Variants in RPS6 observed in about 807,000 individuals in gnomAD.
RPS6 encodes ribosomal protein S6, also known as small ribosomal subunit protein eS6.
Under a neutral mutation model 27.1 loss-of-function variants are expected in RPS6, and 1 was observed. The ratio of observed to expected loss-of-function variants is 0.04; its 90% CI spans 0.01 to 0.18. RPS6 has a LOEUF of 0.18. RPS6 is among the 10% of genes least tolerant of loss of function. The pLI is 1.00. For synonymous variants in RPS6, 152 were observed against 106.0 expected, an observed-to-expected ratio of 1.43 and a Z score of -2.66; for missense variants, 259 against 319.1, an observed-to-expected ratio of 0.81 and a Z score of 1.44.
chr9:19,378,354 A>G lies in RPS6; in HGVS notation c.496+14T>C. On this transcript the variant is annotated intron_variant, in intron 4 of 5. Transcript: ENST00000380394. ...CCAAAATTAAGCAAGCCCTAATTGC[A>G]TAATCCCTCCTACCTTCTTTATTTA... 6.2e-7 allele frequency: 1 copy of G among 1,610,592 alleles called. No individual in the cohort carries two copies. The highest frequency in any genetic ancestry group is 8.5e-7 in the Non-Finnish European group (1 of 1,179,152).
At position 19,376,573 on chromosome 9, in the gene RPS6, A is replaced by G. The variant is rs1309399010; in HGVS notation, c.575T>C (p.Ile192Thr). The G allele has an allele frequency of 1.2e-6, 2 of 1,614,208 alleles. No individual in the cohort carries two copies. The highest frequency in any genetic ancestry group is 1.7e-5 in the Admixed American group (1 of 60,024). Reference sequence around the variant, plus strand: ...CTTGGTACGCTGCTTCTTCAGAGCAATACGCCGCCGTTTGTGCTGCAGGAC... The same window carrying G: ...CTTGGTACGCTGCTTCTTCAGAGCAGTACGCCGCCGTTTGTGCTGCAGGAC... ...PRVLQHKRRR[I>T]ALKKQRTKKN... The change falls in exon 5 of 6, where the codon ATT becomes ACT. Residue 192 changes from isoleucine to threonine, a missense_variant. Physicochemically the swap from Ile to Thr is moderately conservative, Grantham distance 89 (BLOSUM62 -1). Transcript: ENST00000380394.
At chr9:19,379,027 A>AAACCAATTTG in intron 2 of RPS6, 109 bp from the exon 3 acceptor site, 12 of 1,133,090 alleles carry the variant, frequency 1.1e-5, no homozygotes, top group Non-Finnish European at 1.5e-5. Flanking sequence ...ATAATTATGA[A>AAACCAATTTG]AACCAATTTG....
chr9:19,379,242 A>C (rs1668340373), intron 2 of RPS6: 2 of 1,365,538 alleles, frequency 1.5e-6, no homozygotes, highest in African/African-American at 2.9e-5. Flanking sequence ...CAGCTATGTG[A>C]CATATTGCCA....
At position 19,376,186 on chromosome 9, in the gene RPS6, T is replaced by C; in HGVS notation, c.*107A>G. 3.1e-6 allele frequency: 3 copies of C among 970,704 alleles called. No individual in the cohort carries two copies. The highest frequency in any genetic ancestry group is 2.3e-5 in the Admixed American group (1 of 43,532). 60.1% of individuals were successfully genotyped at this position (970,704 alleles called of 1,614,324 possible). A position where few individuals can be genotyped will look rare whatever the true frequency, so the allele number is the denominator to read the frequency against. On this transcript the variant is annotated 3_prime_UTR_variant, in exon 6 of 6. Transcript: ENST00000380394. ...GAATACCATATATACATATCCCCAT[T>C]TTCTATGACCTAACTTTCCCTCTCT... is the stretch of plus-strand genomic sequence containing the variant.
At chr9:19,379,417 C>G in intron 2 of RPS6, 70 bp downstream of exon 2, 1 of 1,596,826 alleles carries the variant, frequency 6.3e-7, no homozygotes, top group Non-Finnish European at 8.5e-7. Flanking sequence ...GAACCCCATT[C>G]CAAATACCAG....
intron 4 of RPS6, 137 bp from the exon 5 acceptor site, chr9:19,376,788 A>C: frequency 1.4e-6 from 1 of 738,186 alleles, no homozygotes; most frequent in Non-Finnish European, 2.0e-6. Flanking sequence ...TCAAATCAGA[A>C]CTATTCTAAA....
Position 19,376,239 on chromosome 9 carries a change from G to C in RPS6, c.*54C>G. On this transcript the variant is annotated 3_prime_UTR_variant, in exon 6 of 6. Transcript: ENST00000380394. ...ATTTATGTAGTTTTCTATCAGCAATGAAAAGTCAACAGAGATCAGAGTCTG... is the reference window on the plus strand; with the variant it reads ...ATTTATGTAGTTTTCTATCAGCAATCAAAAGTCAACAGAGATCAGAGTCTG... The C allele has an allele frequency of 6.9e-7, 1 of 1,443,416 alleles. No homozygotes were observed. Among genetic ancestry groups the C allele is most frequent in the South Asian group, 1.2e-5 (1 of 82,208 alleles). 89.4% of individuals were successfully genotyped at this position (1,443,416 alleles called of 1,614,324 possible).
chr9:19,379,789 T>C, intron 1 of RPS6, 171 bp from the exon 2 acceptor site: 1 of 1,449,458 alleles, frequency 6.9e-7, no homozygotes, highest in East Asian at 2.5e-5. Context: ...AGAGTAGCAG[T>C]CAAGAAGCGC....
chr9:19,379,735 G>A lies in RPS6; in HGVS notation c.7-117C>T. The A allele has an allele frequency of 5.3e-6, 8 of 1,506,554 alleles. No homozygotes were observed. In the South Asian group the frequency reaches 6.8e-5, roughly 13 times the overall value. 93.3% of individuals were successfully genotyped at this position (1,506,554 alleles called of 1,614,324 possible). ...TTTCATGTTGCCTCCACACAAGCAG[G>A]AAATATAAGATGCCGACTGTACTCA... On this transcript the variant is annotated intron_variant, in intron 1 of 5. Coordinates refer to ENST00000380394, the MANE Select transcript of RPS6 (RefSeq NM_001010.3).
chr9:19,378,655 G>A (rs1472706898), intron 3 of RPS6, 53 bp downstream of exon 3: 2 of 1,595,106 alleles, frequency 1.3e-6, no homozygotes, highest in Non-Finnish European at 1.7e-6. Flanking sequence ...TAAGCATTTG[G>A]ACAACTGGCT....
At chr9:19,379,070 T>C in intron 2 of RPS6, 152 bp from the exon 3 acceptor site, 2 of 848,562 alleles carry the variant, frequency 2.4e-6, no homozygotes, top group Non-Finnish European at 3.6e-6. Flanking sequence ...TCAGTGAGTT[T>C]TGTCTATATT....
At position 19,376,076 on chromosome 9, in the gene RPS6, G is replaced by A. The variant is rs1829577396; in HGVS notation, c.*217C>T. 2 of 455,242 alleles carry A rather than the reference G, an allele frequency of 4.4e-6. No homozygotes were observed. The highest frequency in any genetic ancestry group is 7.8e-6 in the Non-Finnish European group (2 of 256,806). The allele number at this position is 455,242 out of a possible 1,614,324, so 28.2% of individuals were successfully genotyped here. On this transcript the variant is annotated 3_prime_UTR_variant, in exon 6 of 6. Coordinates refer to ENST00000380394, the MANE Select transcript of RPS6 (RefSeq NM_001010.3). ...TCTTATGCTCAGAATCCCTTCCTGT[G>A]CCACCCATCCCCTGAAAGGAACCCC...
intron 4 of RPS6, 75 bp from the exon 5 acceptor site, chr9:19,376,726 A>G: frequency 1.4e-6 from 2 of 1,439,408 alleles, no homozygotes; most frequent in South Asian, 2.6e-5. Flanking sequence ...AACATCAGAA[A>G]TAAACGTAAG....
In RPS6 at chr9:19,379,832, C is replaced by T. The variant is rs538586826; in HGVS notation, c.7-214G>A. ...AGCAGGACGTTTTCCCCTCAAGCCC[C>T]GCGGAATGACTCTGGGGGCGAGGGC... On this transcript the variant is annotated intron_variant, in intron 1 of 5. Transcript: ENST00000380394. The T allele has an allele frequency of 1.7e-5, 24 of 1,424,808 alleles. No individual in the cohort carries two copies. The South Asian group carries it at 3.1e-4, about 18-fold the overall frequency. The allele number at this position is 1,424,808 out of a possible 1,614,324, so 88.3% of individuals were successfully genotyped here. A position where few individuals can be genotyped will look rare whatever the true frequency, so the allele number is the denominator to read the frequency against.
At position 19,378,484 on chromosome 9, in the gene RPS6, G is replaced by A. The variant is rs778272571; in HGVS notation, c.380C>T (p.Thr127Ile). The change falls in exon 4 of 6, where the codon ACT becomes ATT. Residue 127 changes from threonine to isoleucine, a missense_variant. This residue lies in a region of RPS6 where 191 missense variants were observed against 231.6 expected (regional missense o/e 0.82). Transcript: ENST00000380394. ...GGGGCCCAGGCGGCGAGGCACTGTA[G>A]TATCAGTCAGTCCAGGAATATCCTT... ...GEKDIPGLTDTTVPRRLGPKR... is the reference protein window; with the variant it reads ...GEKDIPGLTDITVPRRLGPKR... 7 of 1,614,028 alleles carry A rather than the reference G, an allele frequency of 4.3e-6. No homozygotes were observed. Among genetic ancestry groups the A allele is most frequent in the Non-Finnish European group, 5.1e-6 (6 of 1,180,038 alleles).
intron 5 of RPS6, 24 bp downstream of exon 5, chr9:19,376,470 C>T: frequency 1.2e-6 from 2 of 1,612,464 alleles, no homozygotes; most frequent in Non-Finnish European, 1.7e-6. Context: ...CTCCTCCCAC[C>T]CCCTCAAATC....
chr9:19,378,141 A>T (rs934396053), intron 4 of RPS6, among the ~76,000 whole-genome samples: 4 of 152,240 alleles, frequency 2.6e-5, no homozygotes, highest in African/African-American at 9.6e-5. Flanking sequence ...TCAAAGATTC[A>T]CAAGCAGATT....
In RPS6 at chr9:19,376,256, C is replaced by T; in HGVS notation, c.*37G>A. ...TCAGCAATGAAAAGTCAACAGAGAT[C>T]AGAGTCTGATCTTATTTATTTGTTA... On this transcript the variant is annotated 3_prime_UTR_variant, in exon 6 of 6. Coordinates refer to ENST00000380394, the MANE Select transcript of RPS6 (RefSeq NM_001010.3). The T allele has an allele frequency of 6.5e-7, 1 of 1,529,004 alleles. No individual in the cohort carries two copies. The highest frequency in any genetic ancestry group is 1.2e-5 in the South Asian group (1 of 86,196). 94.7% of individuals were successfully genotyped at this position (1,529,004 alleles called of 1,614,324 possible).
intron 1 of RPS6, 78 bp from the exon 2 acceptor site, chr9:19,379,696 C>T: frequency 6.5e-7 from 1 of 1,527,074 alleles, no homozygotes. Flanking sequence ...AAGTTAATTC[C>T]ACTGCAAAAA....
Sources: gnomAD v4.1 joint callset for allele counts (sites outside exome capture counted in the v4.1 genomes callset) on GRCh38, gnomAD v4.1.1 for gene constraint, gnomAD v4.1.1 regional missense constraint, MANE v1.5 for transcripts, NCBI Gene and HGNC (gene_info 2026-07-23, HGNC 2026-07-21) for gene names.